Variants in MACROD2 observed in about 807,000 individuals in gnomAD.
The protein encoded by MACROD2 is ADP-ribose glycohydrolase MACROD2.
In MACROD2, 36 loss-of-function variants were observed where a neutral mutation model predicts 70.4. That is an observed-to-expected ratio of 0.51 (90% confidence interval 0.39 to 0.68). The LOEUF (loss-of-function observed/expected upper bound fraction) is 0.68. Among genes scored for constraint, MACROD2 ranks in the 30% least tolerant of loss-of-function variants. MACROD2 has a pLI of 0.00. For missense variants in MACROD2, 496 were observed against 538.4 expected (o/e 0.92, Z 0.78); for synonymous variants, 172 against 178.8 (o/e 0.96, Z 0.30).
At chr20:14,735,890 G>C (rs2071658279) in intron 5 of MACROD2, among the ~76,000 whole-genome samples, 1 of 151,962 alleles carries the variant, frequency 6.6e-6, no homozygotes, top group Non-Finnish European at 1.5e-5. Context: ...AAATAAAGTG[G>C]TGTAGCTACT....
intron 3 of MACROD2, among the ~76,000 whole-genome samples, chr20:14,459,447 A>G (rs1739283909): frequency 6.6e-6 from 1 of 152,006 alleles, no homozygotes; most frequent in South Asian, 2.1e-4. Flanking sequence ...ATATATGAAC[A>G]TCTGAAAGAT....
intron 8 of MACROD2, among the ~76,000 whole-genome samples, chr20:15,704,734 T>C (rs1035552071): frequency 6.6e-5 from 10 of 152,180 alleles, no homozygotes; most frequent in African/African-American, 2.2e-4. Context: ...TAAAATAGAA[T>C]AGGAGTTGAA....
chr20:15,650,011 T>A (rs1036086794), intron 8 of MACROD2, among the ~76,000 whole-genome samples: 8 of 152,218 alleles, frequency 5.3e-5, no homozygotes, highest in African/African-American at 1.9e-4. Flanking sequence ...TAATTCACTA[T>A]TAAATTTAGA....
intron 3 of MACROD2, among the ~76,000 whole-genome samples, chr20:14,271,554 C>CA (rs200190015): frequency 0.17 from 26,092 of 152,072 alleles, 2,645 homozygotes; most frequent in South Asian, 0.27. Flanking sequence ...AAAAACAGAG[C>CA]AGAAAAACTG....
chr20:15,600,653 G>A (rs1463587950), intron 8 of MACROD2, among the ~76,000 whole-genome samples: 2 of 152,168 alleles, frequency 1.3e-5, no homozygotes, highest in African/African-American at 4.8e-5. Flanking sequence ...AGCCTGGGGA[G>A]GAAGGTAACG....
At chr20:15,029,983 A>G (rs976189484) in intron 5 of MACROD2, among the ~76,000 whole-genome samples, 3 of 150,184 alleles carry the variant, frequency 2.0e-5, no homozygotes, top group Non-Finnish European at 4.4e-5. Flanking sequence ...CCAGCTACCC[A>G]GGAGGCTGAG....
intron 5 of MACROD2, among the ~76,000 whole-genome samples, chr20:15,086,826 A>T (rs997589684): frequency 6.6e-6 from 1 of 152,092 alleles, no homozygotes; most frequent in African/African-American, 2.4e-5. Flanking sequence ...TTAGTTCAAG[A>T]TCCCCCGCTT....
chr20:15,339,772 A>G (rs2078087148), intron 6 of MACROD2, among the ~76,000 whole-genome samples: 1 of 151,784 alleles, frequency 6.6e-6, no homozygotes, highest in Non-Finnish European at 1.5e-5. Flanking sequence ...TTCAAAGATT[A>G]TTTATTGTAC....
intron 6 of MACROD2, among the ~76,000 whole-genome samples, chr20:15,266,752 T>TC (rs1226122493): frequency 6.6e-6 from 1 of 152,206 alleles, no homozygotes; most frequent in Non-Finnish European, 1.5e-5. Flanking sequence ...GAATTGTATG[T>TC]CTCTTGGTTA....
At chr20:15,702,083 G>C (rs2058083190) in intron 8 of MACROD2, among the ~76,000 whole-genome samples, 1 of 152,202 alleles carries the variant, frequency 6.6e-6, no homozygotes, top group South Asian at 2.1e-4. Context: ...CATCTAGGTT[G>C]ATTCCATGTC....
intron 3 of MACROD2, among the ~76,000 whole-genome samples, chr20:14,231,216 C>T (rs2081809067): frequency 1.3e-5 from 2 of 151,618 alleles, no homozygotes; most frequent in Admixed American, 1.3e-4. Context: ...TATACATGTG[C>T]CATGTTGGTG....
rs573855423 is a variant in MACROD2 at position 14,328,855 on chromosome 20, A to G, written c.272-164624A>G. The G allele has an allele frequency of 2.0e-5, 3 of 152,000 alleles. No individual in the cohort carries two copies. In the East Asian group the frequency reaches 5.8e-4, roughly 29 times the overall value. The allele number at this position is 152,000 out of a possible 1,614,324, so 9.4% of individuals were successfully genotyped here. A position where few individuals can be genotyped will look rare whatever the true frequency, so the allele number is the denominator to read the frequency against. ...TACTATGTAGGACACATGGCTTCCTATGTATTTTTTTTTTCTTTCTGATAG... is the reference window on the plus strand; with the variant it reads ...TACTATGTAGGACACATGGCTTCCTGTGTATTTTTTTTTTCTTTCTGATAG... On this transcript the variant is annotated intron_variant, in intron 3 of 17. Coordinates refer to ENST00000684519, the MANE Select transcript of MACROD2 (RefSeq NM_001351661.2).
chr20:14,092,140 T>C (rs924110927), intron 3 of MACROD2, among the ~76,000 whole-genome samples: 25 of 152,224 alleles, frequency 1.6e-4, no homozygotes, highest in Non-Finnish European at 3.2e-4. Flanking sequence ...GCTGTTGTAA[T>C]AGGTGTGTGT....
chr20:15,353,524 G>C (rs1046575684), intron 6 of MACROD2, among the ~76,000 whole-genome samples: 1 of 152,038 alleles, frequency 6.6e-6, no homozygotes, highest in African/African-American at 2.4e-5. Context: ...AAACTAAAGA[G>C]CTTCTGCACA....
At chr20:14,982,649 T>C (rs2074811632) in intron 5 of MACROD2, among the ~76,000 whole-genome samples, 2 of 152,176 alleles carry the variant, frequency 1.3e-5, no homozygotes, top group African/African-American at 2.4e-5. Context: ...AGCTTCCACA[T>C]GGTGTTGAGC....
At chr20:14,648,644 A>ATATATATATATATATC (rs1330379729) in intron 4 of MACROD2, among the ~76,000 whole-genome samples, 1 of 151,614 alleles carries the variant, frequency 6.6e-6, no homozygotes, top group African/African-American at 2.4e-5. Flanking sequence ...ATATCTATCT[A>ATATATATATATATATC]TCTCACATAC....
At chr20:14,228,558 T>C (rs2081767814) in intron 3 of MACROD2, among the ~76,000 whole-genome samples, 2 of 152,156 alleles carry the variant, frequency 1.3e-5, no homozygotes, top group South Asian at 4.1e-4. Context: ...AGAAAAGACC[T>C]AAATGGCTAT....
chr20:14,743,517 T>C (rs1409995763), intron 5 of MACROD2, among the ~76,000 whole-genome samples: 3 of 152,212 alleles, frequency 2.0e-5, no homozygotes, highest in African/African-American at 7.2e-5. Flanking sequence ...GGGCAGACTC[T>C]AGTAACTAGA....
At chr20:14,467,767 A>C (rs931777410) in intron 3 of MACROD2, among the ~76,000 whole-genome samples, 3 of 152,086 alleles carry the variant, frequency 2.0e-5, no homozygotes, top group Non-Finnish European at 4.4e-5. Context: ...CATTTCCCCT[A>C]AACACTGCTT....
Sources: gnomAD v4.1 joint callset for allele counts (sites outside exome capture counted in the v4.1 genomes callset) on GRCh38, gnomAD v4.1.1 for gene constraint, MANE v1.5 for transcripts, NCBI Gene and HGNC (gene_info 2026-07-23, HGNC 2026-07-21) for gene names.